CACNB4: variants seen among roughly 807,000 people sequenced by gnomAD.
CACNB4 encodes the protein calcium voltage-gated channel auxiliary subunit beta 4.
In CACNB4, 32 loss-of-function variants were observed where a neutral mutation model predicts 71.2. That is an observed-to-expected ratio of 0.45 (90% CI 0.34 to 0.60). CACNB4 has a LOEUF of 0.60. Among genes scored for constraint, CACNB4 ranks in the 20% least tolerant of loss-of-function variants. The pLI, the probability that CACNB4 is intolerant of heterozygous loss-of-function variation, is 0.01. For missense variants in CACNB4, 464 were observed against 647.9 expected (o/e 0.72, Z 3.08); for synonymous variants, 231 against 236.9 (o/e 0.97, Z 0.23).
chr2:151,855,186 T>A, intron 11 of CACNB4, 38 bp downstream of exon 11: 1 of 1,418,694 alleles, frequency 7.0e-7, no homozygotes, highest in Middle Eastern at 1.9e-4. Context: ...TTTTAAAAGA[T>A]GCACTTCTAA....
At chr2:152,086,057 A>G (rs938665226) in intron 2 of CACNB4, among the ~76,000 whole-genome samples, 2 of 152,200 alleles carry the variant, frequency 1.3e-5, no homozygotes, top group African/African-American at 4.8e-5. Flanking sequence ...TGTAAATATG[A>G]CATTTGCCTT....
chr2:151,842,625 G>A (rs1035093860), intron 12 of CACNB4, among the ~76,000 whole-genome samples: 4 of 152,116 alleles, frequency 2.6e-5, no homozygotes, highest in South Asian at 2.1e-4. Flanking sequence ...GAGCCACAGC[G>A]CCCAGCCGGA....
intron 2 of CACNB4, among the ~76,000 whole-genome samples, chr2:151,924,053 C>T (rs1213791703): frequency 4.2e-5 from 6 of 141,396 alleles, no homozygotes; most frequent in East Asian, 4.3e-4. Flanking sequence ...TACATACGTG[C>T]GTGTAATCTA....
chr2:151,904,121 C>G (rs2099854160), intron 2 of CACNB4, among the ~76,000 whole-genome samples: 1 of 152,234 alleles, frequency 6.6e-6, no homozygotes, highest in African/African-American at 2.4e-5. Flanking sequence ...TTTTTCAAAA[C>G]CACCGCTGCA....
intron 2 of CACNB4, among the ~76,000 whole-genome samples, chr2:152,030,964 T>G (rs557468729): frequency 2.0e-5 from 3 of 152,268 alleles, no homozygotes; most frequent in Non-Finnish European, 1.5e-5. Flanking sequence ...CTGCACAGCC[T>G]CAGCCCTGGG....
rs145531308 is a variant in CACNB4 at position 151,865,259 on chromosome 2, G to A, written c.758+3918C>T. Reference sequence around the variant, plus strand: ...TTTCTTTTTATTAATAAATACTATCGCTTTGAGTCTCCCTAAGTTGTATGT... The same window carrying A: ...TTTCTTTTTATTAATAAATACTATCACTTTGAGTCTCCCTAAGTTGTATGT... On this transcript the variant is annotated intron_variant, in intron 9 of 13. Coordinates refer to ENST00000539935, the MANE Select transcript of CACNB4 (RefSeq NM_000726.5). Among the ~76,000 whole-genome samples the A allele has an allele frequency of 1.2e-4, 19 of 152,038 alleles. No individual in the cohort carries two copies. In the East Asian group the frequency reaches 1.9e-3, roughly 15 times the overall value.
At chr2:151,962,592 G>A (rs1195619091) in intron 2 of CACNB4, among the ~76,000 whole-genome samples, 3 of 152,224 alleles carry the variant, frequency 2.0e-5, no homozygotes, top group African/African-American at 7.2e-5. Context: ...AAGGCCAAAC[G>A]TAGCAGTAAC....
intron 4 of CACNB4, 57 bp downstream of exon 4, chr2:151,880,743 T>G: frequency 2.5e-6 from 4 of 1,579,168 alleles, no homozygotes; most frequent in Non-Finnish European, 3.4e-6. Flanking sequence ...GGCTCAGAGC[T>G]GATTCCTGGC....
chr2:151,929,615 T>G (rs943488054), intron 2 of CACNB4, among the ~76,000 whole-genome samples: 3 of 152,322 alleles, frequency 2.0e-5, no homozygotes, highest in African/African-American at 7.2e-5. Context: ...ATTACCATTA[T>G]TTGCAGATAA....
intron 2 of CACNB4, among the ~76,000 whole-genome samples, chr2:151,906,823 T>C (rs982712554): frequency 3.3e-5 from 5 of 152,172 alleles, no homozygotes; most frequent in African/African-American, 9.6e-5. Flanking sequence ...ATCATGTAGA[T>C]TGCTACCCTG....
At chr2:151,899,063 C>A (rs542464616) in intron 2 of CACNB4, among the ~76,000 whole-genome samples, 1 of 152,302 alleles carries the variant, frequency 6.6e-6, no homozygotes. Context: ...TCAGAGAGAC[C>A]CACAGTGCAG....
chr2:152,014,063 C>A (rs1018340073), intron 2 of CACNB4, among the ~76,000 whole-genome samples: 3 of 152,218 alleles, frequency 2.0e-5, no homozygotes, highest in Non-Finnish European at 2.9e-5. Flanking sequence ...TCCTTCTTAG[C>A]CTGATGTGGT....
rs183303572 is a variant in CACNB4, at chr2:151,945,912, C to T, written c.148-62542G>A. Reference sequence around the variant, plus strand: ...AAAAAAAGAATTACATGTGTGTGTGCGCGTGTGTGTATATACAAAGAAGTT... The same window carrying T: ...AAAAAAAGAATTACATGTGTGTGTGTGCGTGTGTGTATATACAAAGAAGTT... On this transcript the variant is annotated intron_variant, in intron 2 of 13. Transcript: ENST00000539935. Among the ~76,000 whole-genome samples the T allele has an allele frequency of 3.1e-4, 46 of 150,036 alleles. 1 individual carries two copies. In the East Asian group the frequency reaches 6.8e-3, roughly 22 times the overall value.
At chr2:151,875,785 G>T (rs1445769247) in intron 5 of CACNB4, among the ~76,000 whole-genome samples, 2 of 121,250 alleles carry the variant, frequency 1.6e-5, no homozygotes, top group African/African-American at 3.5e-5. Context: ...GGGGCGGCTG[G>T]CCGGGCAGGG....
chr2:151,925,447 C>A (rs928550022), intron 2 of CACNB4, among the ~76,000 whole-genome samples: 6 of 152,150 alleles, frequency 3.9e-5, no homozygotes, highest in Non-Finnish European at 7.4e-5. Context: ...GGTACCAAAC[C>A]TACAGAGCTG....
intron 2 of CACNB4, among the ~76,000 whole-genome samples, chr2:151,918,680 T>C (rs577019886): frequency 5.6e-4 from 86 of 152,230 alleles, no homozygotes; most frequent in African/African-American, 2.0e-3. Context: ...AGGATGCAGG[T>C]TGAGAGTTCA....
chr2:152,048,215 T>A (rs763813170), intron 2 of CACNB4, among the ~76,000 whole-genome samples: 1 of 152,086 alleles, frequency 6.6e-6, no homozygotes, highest in Non-Finnish European at 1.5e-5. Context: ...ACCCCCTAGA[T>A]GTAACAACAA....
chr2:152,097,657 G>T (rs780325029), intron 2 of CACNB4, among the ~76,000 whole-genome samples: 6 of 152,130 alleles, frequency 3.9e-5, no homozygotes, highest in Non-Finnish European at 5.9e-5. Context: ...CAGACAATTC[G>T]CACTAGAACC....
intron 9 of CACNB4, chr2:151,868,600 AG>A (rs1488560224): frequency 6.6e-6 from 1 of 152,210 alleles, no homozygotes; most frequent in South Asian, 2.1e-4. Context: ...CATTAAAAAA[AG>A]ATCAATAAAA....
Sources: gnomAD v4.1 joint callset for allele counts (sites outside exome capture counted in the v4.1 genomes callset) on GRCh38, gnomAD v4.1.1 for gene constraint, MANE v1.5 for transcripts, NCBI Gene and HGNC (gene_info 2026-07-23, HGNC 2026-07-21) for gene names.